The following RBMS3 variants were observed in gnomAD, a reference collection of about 807,000 sequenced individuals.
The protein encoded by RBMS3 is RNA binding motif single stranded interacting protein 3.
A neutral mutation model predicts 66.8 loss-of-function variants in RBMS3; 27 were observed. The ratio of observed to expected loss-of-function variants is 0.40; its 90% CI spans 0.30 to 0.56. The LOEUF (loss-of-function observed/expected upper bound fraction) is 0.56. Among genes scored for constraint, RBMS3 ranks in the 20% least tolerant of loss-of-function variants. The probability of loss-of-function intolerance (pLI) is 0.40; values close to 1 mark genes in which losing one functional copy is unlikely to be tolerated. For synonymous variants in RBMS3, 188 were observed against 183.0 expected (o/e 1.03, Z -0.22); for missense variants, 513 against 549.5 (o/e 0.93, Z 0.66).
rs867680963 is a variant in RBMS3, at chr3:29,908,533, A to T, written c.939+8778A>T. 3.9e-5 allele frequency among the ~76,000 whole-genome samples: 6 copies of T among 152,234 alleles called. No individual in the cohort carries two copies. In the South Asian group the frequency reaches 1.2e-3, roughly 32 times the overall value. ...AATTTTTAGGTATGAGCAAGTTGTA[A>T]ATCAATAATTTGTAATTTTTAAGAA... On this transcript the variant is annotated intron_variant, in intron 10 of 14. Coordinates refer to ENST00000383767, the MANE Select transcript of RBMS3 (RefSeq NM_001003793.3).
At chr3:29,524,338 G>T (rs1350994442) in intron 3 of RBMS3, among the ~76,000 whole-genome samples, 1 of 148,002 alleles carries the variant, frequency 6.8e-6, no homozygotes, top group Non-Finnish European at 1.5e-5. Context: ...GAGAACTGAT[G>T]ATGCTTTTTT....
At chr3:29,378,860 C>A (rs964923958) in intron 1 of RBMS3, among the ~76,000 whole-genome samples, 1 of 151,942 alleles carries the variant, frequency 6.6e-6, no homozygotes, top group Non-Finnish European at 1.5e-5. Flanking sequence ...TATATAAAAC[C>A]AAAATGCATT....
At chr3:29,377,890 C>T (rs369192011) in intron 1 of RBMS3, among the ~76,000 whole-genome samples, 1 of 152,184 alleles carries the variant, frequency 6.6e-6, no homozygotes. Context: ...GTTACCAAAA[C>T]TAGTCTTTTA....
intron 1 of RBMS3, among the ~76,000 whole-genome samples, chr3:29,395,743 T>A (rs2039517445): frequency 1.3e-5 from 2 of 152,180 alleles, no homozygotes; most frequent in South Asian, 4.1e-4. Context: ...TTAAAGATAT[T>A]AATGTTAAAA....
At chr3:29,615,470 G>GCACACA (rs112880454) in intron 4 of RBMS3, among the ~76,000 whole-genome samples, 73 of 144,506 alleles carry the variant, frequency 5.1e-4, no homozygotes, top group Middle Eastern at 3.5e-3. Flanking sequence ...ACTACAGTTA[G>GCACACA]CACACACACA....
At chr3:29,679,629 C>G (rs555114018) in intron 4 of RBMS3, among the ~76,000 whole-genome samples, 2 of 152,134 alleles carry the variant, frequency 1.3e-5, no homozygotes, top group East Asian at 3.9e-4. Context: ...CTCACTTACT[C>G]TCATTAGCCG....
intron 10 of RBMS3, among the ~76,000 whole-genome samples, chr3:29,914,761 G>A (rs2149640017): frequency 6.6e-6 from 1 of 151,986 alleles, no homozygotes; most frequent in Non-Finnish European, 1.5e-5. Flanking sequence ...CTTCAAATTA[G>A]AAGAAATCTT....
intron 4 of RBMS3, among the ~76,000 whole-genome samples, chr3:29,734,260 G>A (rs1042866295): frequency 6.6e-6 from 1 of 152,032 alleles, no homozygotes. Flanking sequence ...CAGGAAGTGG[G>A]GATATGGGGC....
intron 6 of RBMS3, among the ~76,000 whole-genome samples, chr3:29,789,159 T>C (rs1038915178): frequency 2.0e-5 from 3 of 151,626 alleles, no homozygotes; most frequent in Admixed American, 6.6e-5. Flanking sequence ...ACTTCATTCA[T>C]GATGTATTTT....
chr3:29,605,331 A>T (rs1282332061), intron 4 of RBMS3, among the ~76,000 whole-genome samples: 4 of 151,914 alleles, frequency 2.6e-5, no homozygotes, highest in African/African-American at 7.2e-5. Flanking sequence ...GCTGTTAACA[A>T]AGGCAATTCC....
At chr3:29,454,672 G>C (rs976124832) in intron 2 of RBMS3, among the ~76,000 whole-genome samples, 1 of 152,184 alleles carries the variant, frequency 6.6e-6, no homozygotes, top group Non-Finnish European at 1.5e-5. Flanking sequence ...AGTAGAATGA[G>C]AGTATAGTTT....
intron 1 of RBMS3, among the ~76,000 whole-genome samples, chr3:29,341,791 T>C (rs2036296937): frequency 6.6e-6 from 1 of 152,196 alleles, no homozygotes; most frequent in Admixed American, 6.6e-5. Context: ...ATTATTATTT[T>C]TCACCTCCCA....
intron 4 of RBMS3, among the ~76,000 whole-genome samples, chr3:29,700,749 A>G (rs1053830843): frequency 2.0e-4 from 31 of 152,156 alleles, no homozygotes; most frequent in Admixed American, 1.8e-3. Context: ...GGAGAAGGGA[A>G]TATTTTTCAG....
intron 2 of RBMS3, among the ~76,000 whole-genome samples, chr3:29,435,752 G>A: frequency 6.6e-6 from 1 of 151,886 alleles, no homozygotes. Context: ...TGACTAACAC[G>A]GTCTGGCTAA....
chr3:29,853,516 G>C (rs996640630), intron 6 of RBMS3, among the ~76,000 whole-genome samples: 9 of 145,626 alleles, frequency 6.2e-5, no homozygotes, highest in African/African-American at 2.3e-4. Context: ...GTGGGTAGCC[G>C]TTGCCAGCTG....
At chr3:29,756,975 A>G (rs1030901978) in intron 5 of RBMS3, among the ~76,000 whole-genome samples, 26 of 152,086 alleles carry the variant, frequency 1.7e-4, no homozygotes, top group East Asian at 1.9e-4. Flanking sequence ...TATAGGTTTC[A>G]TTAGGTAAAA....
intron 6 of RBMS3, among the ~76,000 whole-genome samples, chr3:29,829,001 T>TCTTTCTTTCTTC (rs2058286309): frequency 7.1e-6 from 1 of 140,276 alleles, no homozygotes; most frequent in Admixed American, 7.1e-5. Context: ...TTTCTTTCTT[T>TCTTTCTTTCTTC]CTTTCTTTCT....
rs148214128 is a variant in RBMS3, at chr3:29,728,367, A to G, written c.400-11353A>G. On this transcript the variant is annotated intron_variant, in intron 4 of 14. Coordinates refer to ENST00000383767, the MANE Select transcript of RBMS3 (RefSeq NM_001003793.3). The stretch of plus-strand genomic sequence containing the variant: ...CTGCACATGTATCCCAGAACTTAAA[A>G]TAACATCTAAAGAAAAATGTAAATA... Among the ~76,000 whole-genome samples the G allele has an allele frequency of 9.9e-5, 15 of 152,234 alleles. No homozygotes were observed. In the East Asian group the frequency reaches 2.7e-3, roughly 27 times the overall value.
chr3:29,865,486 C>T (rs939424188), intron 6 of RBMS3, among the ~76,000 whole-genome samples: 1 of 152,162 alleles, frequency 6.6e-6, no homozygotes, highest in Non-Finnish European at 1.5e-5. Flanking sequence ...AGCCACTGGT[C>T]AATGTGTTCT....
Sources: gnomAD v4.1 joint callset for allele counts (sites outside exome capture counted in the v4.1 genomes callset) on GRCh38, gnomAD v4.1.1 for gene constraint, MANE v1.5 for transcripts, NCBI Gene and HGNC (gene_info 2026-07-23, HGNC 2026-07-21) for gene names.